The following DNAH14 variants were observed in gnomAD, a reference collection of about 807,000 sequenced individuals.
DNAH14 encodes the protein dynein axonemal heavy chain 14.
In DNAH14, 478 loss-of-function variants were observed where a neutral mutation model predicts 520.9. The observed-to-expected ratio is 0.92, with a 90% CI of 0.85 to 0.99. DNAH14 has a LOEUF of 0.99. DNAH14 is among the 50% of genes least tolerant of loss of function. DNAH14 has a pLI of 0.00. For missense variants in DNAH14, 4,831 were observed against 5,234.5 expected (o/e 0.92, Z 2.38); for synonymous variants, 1,581 against 1,757.2 (o/e 0.90, Z 2.51).
intron 11 of DNAH14, among the ~76,000 whole-genome samples, chr1:225,025,465 T>G (rs916666442): frequency 2.0e-5 from 3 of 148,886 alleles, no homozygotes; most frequent in African/African-American, 7.4e-5. Context: ...GGCATGGTGG[T>G]TCACACCTGT....
At chr1:225,079,141 A>C (rs1275804090) in intron 17 of DNAH14, 66 bp from the exon 18 acceptor site, 3 of 1,350,168 alleles carry the variant, frequency 2.2e-6, no homozygotes, top group East Asian at 5.0e-5. Context: ...GAAATTAAAA[A>C]GAGTAATTAG....
At chr1:225,366,321 A>T (rs2095552558) in intron 76 of DNAH14, among the ~76,000 whole-genome samples, 1 of 152,210 alleles carries the variant, frequency 6.6e-6, no homozygotes. Flanking sequence ...GCCCACTTCT[A>T]GGAAAAGGCC....
intron 76 of DNAH14, 60 bp downstream of exon 76, chr1:225,364,954 A>G (rs2095535164): frequency 1.7e-6 from 2 of 1,146,792 alleles, no homozygotes; most frequent in Non-Finnish European, 1.2e-6. Flanking sequence ...AATGCAAGTC[A>G]TCTTACATTC....
chr1:225,228,645 G>C (rs1423720453), intron 41 of DNAH14, among the ~76,000 whole-genome samples: 1 of 151,978 alleles, frequency 6.6e-6, no homozygotes, highest in Non-Finnish European at 1.5e-5. Flanking sequence ...GAATGATACT[G>C]ATTATACTCA....
chr1:225,393,823 T>G (rs1260956892), intron 84 of DNAH14, among the ~76,000 whole-genome samples: 3,008 of 150,466 alleles, frequency 0.02, 124 homozygotes, highest in African/African-American at 0.07. Flanking sequence ...TGTTTTTTTT[T>G]TGTTTTTTTT....
chr1:225,097,124 G>A lies in DNAH14; in HGVS notation c.3580G>A (p.Val1194Met), dbSNP rs1476812855. The change falls in exon 22 of 86, where the codon GTG (valine) becomes ATG (methionine). Residue 1194 changes from valine (V) to methionine (M), a missense_variant. By Grantham distance (21) the Val-to-Met change is conservative. Transcript: ENST00000682510. Reference protein sequence around the residue: ...SPHIGPIKDLVNEWDQNLTLF... With the variant: ...SPHIGPIKDLMNEWDQNLTLF... ...TATGTTTTTATCATTGTAGGATCTTGTGAATGAATGGGATCAAAACTTGAC... is the reference window on the plus strand; with the variant it reads ...TATGTTTTTATCATTGTAGGATCTTATGAATGAATGGGATCAAAACTTGAC... 6.5e-7 allele frequency: 1 copy of A among 1,546,378 alleles called. No individual in the cohort carries two copies. The highest frequency in any genetic ancestry group is 8.7e-7 in the Non-Finnish European group (1 of 1,144,456).
At chr1:225,169,622 T>C (rs1476475834) in intron 36 of DNAH14, among the ~76,000 whole-genome samples, 1 of 151,982 alleles carries the variant, frequency 6.6e-6, no homozygotes, top group African/African-American at 2.4e-5. Flanking sequence ...TGGGACTATG[T>C]GAAAAGACCA....
intron 41 of DNAH14, among the ~76,000 whole-genome samples, chr1:225,216,661 A>G (rs1302167519): frequency 6.6e-6 from 1 of 152,116 alleles, no homozygotes; most frequent in Non-Finnish European, 1.5e-5. Context: ...TCAATCAGTT[A>G]TACCCTTTCT....
intron 76 of DNAH14, among the ~76,000 whole-genome samples, chr1:225,366,019 A>T (rs2095548626): frequency 6.6e-6 from 1 of 152,216 alleles, no homozygotes; most frequent in South Asian, 2.1e-4. Flanking sequence ...CCTACACATA[A>T]GTCAGAAAAA....
chr1:225,371,054 A>G (rs2095612656), intron 77 of DNAH14, among the ~76,000 whole-genome samples: 2 of 152,186 alleles, frequency 1.3e-5, no homozygotes, highest in Non-Finnish European at 2.9e-5. Context: ...GAACGTTAAG[A>G]AACAGATAGT....
At chr1:225,355,852 T>G (rs560149343) in intron 73 of DNAH14, among the ~76,000 whole-genome samples, 16 of 152,298 alleles carry the variant, frequency 1.1e-4, no homozygotes, top group African/African-American at 3.6e-4. Context: ...TCCAAAACTT[T>G]GTCATCATCT....
chr1:225,221,195 T>TA (rs1038677870), intron 41 of DNAH14, among the ~76,000 whole-genome samples: 12 of 151,806 alleles, frequency 7.9e-5, no homozygotes, highest in East Asian at 7.7e-4. Flanking sequence ...CTAAAAAACA[T>TA]AAAAAACCCT....
chr1:225,033,422 G>A (rs1206095408), intron 11 of DNAH14, among the ~76,000 whole-genome samples: 3 of 152,096 alleles, frequency 2.0e-5, no homozygotes, highest in Non-Finnish European at 4.4e-5. Context: ...TCTCTATTCT[G>A]TTCCATTGGT....
At chr1:225,145,108 C>A (rs2079815223) in intron 29 of DNAH14, among the ~76,000 whole-genome samples, 1 of 152,094 alleles carries the variant, frequency 6.6e-6, no homozygotes, top group Non-Finnish European at 1.5e-5. Flanking sequence ...AAAAACATGA[C>A]CTTAATGCTC....
rs116598804 is a variant in DNAH14, at chr1:225,065,580, T to A, written c.2425-13627T>A. On this transcript the variant is annotated intron_variant, in intron 17 of 85. Coordinates refer to ENST00000682510, the MANE Select transcript of DNAH14 (RefSeq NM_001367479.1). Reference sequence around the variant, plus strand: ...CTCTTCTTTTATGAATTCCACTGTTTGAGATACTACATGTAATTGAGAACA... The same window carrying A: ...CTCTTCTTTTATGAATTCCACTGTTAGAGATACTACATGTAATTGAGAACA... Among the ~76,000 whole-genome samples the A allele has an allele frequency of 4.2e-3, 638 of 152,186 alleles. 4 individuals are homozygous for A. The highest frequency in any genetic ancestry group is 0.015 in the African/African-American group (607 of 41,570).
At chr1:225,251,991 A>G (rs1018792782) in intron 43 of DNAH14, among the ~76,000 whole-genome samples, 1 of 152,354 alleles carries the variant, frequency 6.6e-6, no homozygotes, top group Admixed American at 6.5e-5. Flanking sequence ...ACCACAATCA[A>G]TATGTTACTG....
chr1:225,154,225 C>A (rs186255887), intron 34 of DNAH14, among the ~76,000 whole-genome samples: 17 of 151,818 alleles, frequency 1.1e-4, no homozygotes, highest in Non-Finnish European at 2.2e-4. Context: ...AAATAATATA[C>A]CACATTAATA....
chr1:225,055,191 G>A (rs1267506776), intron 17 of DNAH14, among the ~76,000 whole-genome samples: 3 of 151,996 alleles, frequency 2.0e-5, no homozygotes, highest in South Asian at 2.1e-4. Context: ...CTAAGATGCC[G>A]TATTTCTACA....
At chr1:224,969,322 C>G (rs1157756375) in intron 7 of DNAH14, 1 of 157,934 alleles carries the variant, frequency 6.3e-6, no homozygotes, top group Non-Finnish European at 1.4e-5. Context: ...TGACCCCCTA[C>G]ACAGTTGAAA....
Sources: gnomAD v4.1 joint callset for allele counts (sites outside exome capture counted in the v4.1 genomes callset) on GRCh38, gnomAD v4.1.1 for gene constraint, MANE v1.5 for transcripts, NCBI Gene and HGNC (gene_info 2026-07-23, HGNC 2026-07-21) for gene names.